ATE1: variants seen among roughly 807,000 people sequenced by gnomAD.
ATE1 encodes arginyltransferase 1, also known as arginyl-tRNA--protein transferase 1.
Under a neutral mutation model 70.5 loss-of-function variants are expected in ATE1, and 36 were observed. The ratio of observed to expected loss-of-function variants is 0.51; its 90% CI spans 0.39 to 0.67. ATE1 has a LOEUF of 0.67. ATE1 is among the 30% of genes least tolerant of loss of function. ATE1 has a pLI of 0.00. For missense variants in ATE1, 593 were observed against 629.5 expected (o/e 0.94, Z 0.62); for synonymous variants, 232 against 219.3 (o/e 1.06, Z -0.51).
chr10:121,833,734 A>G (rs919901957), intron 10 of ATE1, among the ~76,000 whole-genome samples: 26 of 152,308 alleles, frequency 1.7e-4, no homozygotes, highest in African/African-American at 6.0e-4. Context: ...GTTCTAGGCC[A>G]CAGATGACAG....
intron 8 of ATE1, among the ~76,000 whole-genome samples, chr10:121,843,727 C>CA (rs555110989): frequency 1.4e-3 from 187 of 138,230 alleles, no homozygotes; most frequent in South Asian, 9.2e-3. Flanking sequence ...TATCCATACG[C>CA]AAAAAAAAAA....
chr10:121,909,354 CAAAT>C (rs1275362027), intron 5 of ATE1, among the ~76,000 whole-genome samples: 1 of 152,148 alleles, frequency 6.6e-6, no homozygotes, highest in Non-Finnish European at 1.5e-5. Context: ...CTAACACAAA[CAAAT>C]GTTTAAAAAT....
intron 11 of ATE1, among the ~76,000 whole-genome samples, chr10:121,769,807 G>A (rs754950990): frequency 3.3e-5 from 5 of 152,180 alleles, no homozygotes; most frequent in Non-Finnish European, 5.9e-5. Context: ...TAAGACTATC[G>A]TGAGGTATCA....
At chr10:121,834,833 A>C (rs192588415) in intron 10 of ATE1, among the ~76,000 whole-genome samples, 4 of 152,312 alleles carry the variant, frequency 2.6e-5, no homozygotes, top group Admixed American at 6.5e-5. Context: ...ATCACAGATG[A>C]GACATAAAAG....
intron 11 of ATE1, among the ~76,000 whole-genome samples, chr10:121,778,795 G>T (rs2135938674): frequency 6.6e-6 from 1 of 152,014 alleles, no homozygotes; most frequent in South Asian, 2.1e-4. Context: ...TAGAGACGGG[G>T]TTTCATCACG....
At chr10:121,825,721 T>C (rs538491433) in intron 10 of ATE1, among the ~76,000 whole-genome samples, 3 of 152,190 alleles carry the variant, frequency 2.0e-5, no homozygotes, top group Non-Finnish European at 4.4e-5. Flanking sequence ...GGAACACTTG[T>C]GCATTGCTGG....
At chr10:121,832,816 G>T (rs956346651) in intron 10 of ATE1, among the ~76,000 whole-genome samples, 1 of 152,156 alleles carries the variant, frequency 6.6e-6, no homozygotes, top group Admixed American at 6.5e-5. Flanking sequence ...CCGCAATTCT[G>T]GGAACTTTCA....
intron 8 of ATE1, among the ~76,000 whole-genome samples, chr10:121,859,168 T>C (rs1419723818): frequency 3.3e-5 from 5 of 152,196 alleles, no homozygotes; most frequent in African/African-American, 1.2e-4. Context: ...ACTTTCTCAG[T>C]CTGTTATAAT....
chr10:121,899,014 T>C (rs1365577628), intron 7 of ATE1: 4 of 1,596,402 alleles, frequency 2.5e-6, no homozygotes, highest in African/African-American at 1.3e-5. Flanking sequence ...GAAACATCTC[T>C]GATGATATGC....
intron 2 of ATE1, among the ~76,000 whole-genome samples, chr10:121,923,937 T>C (rs1170183581): frequency 1.3e-5 from 2 of 152,256 alleles, no homozygotes; most frequent in African/African-American, 4.8e-5. Context: ...ATTGATAGGA[T>C]AAATGTCATA....
intron 8 of ATE1, among the ~76,000 whole-genome samples, chr10:121,842,485 A>C (rs1225993509): frequency 6.6e-6 from 1 of 152,104 alleles, no homozygotes; most frequent in Non-Finnish European, 1.5e-5. Flanking sequence ...AAAAAATGAG[A>C]ACAGGTTGAA....
At chr10:121,791,096 A>ATTTTTTTTT in intron 10 of ATE1, among the ~76,000 whole-genome samples, 1 of 94,424 alleles carries the variant, frequency 1.1e-5, no homozygotes, top group Non-Finnish European at 2.0e-5. Flanking sequence ...GTGTATATAT[A>ATTTTTTTTT]TTTTTTTTTT....
chr10:121,780,468 T>C (rs976308435), intron 11 of ATE1, among the ~76,000 whole-genome samples: 4 of 152,244 alleles, frequency 2.6e-5, no homozygotes, highest in African/African-American at 2.4e-5. Flanking sequence ...CTCAGATTAC[T>C]GCATGCAAAC....
chr10:121,856,626 A>G (rs779864714), intron 8 of ATE1, among the ~76,000 whole-genome samples: 4 of 152,370 alleles, frequency 2.6e-5, no homozygotes, highest in South Asian at 2.1e-4. Context: ...GGCAAATCAC[A>G]TAACTGTTTT....
rs115972044 is a variant in ATE1, at chr10:121,858,320, C to T, written c.975+11686G>A. On this transcript the variant is annotated intron_variant, in intron 8 of 11. Coordinates refer to ENST00000224652, the MANE Select transcript of ATE1 (RefSeq NM_001001976.3). ...ATGCACAAGAGCTCCAATTTCTCTA[C>T]AACCATGCCAACAGTTACCGTTTTC... Among the ~76,000 whole-genome samples the T allele has an allele frequency of 7.4e-3, 1,126 of 152,206 alleles. 21 individuals carry two copies. Among genetic ancestry groups the T allele is most frequent in the African/African-American group, 0.026 (1,079 of 41,522 alleles).
intron 7 of ATE1, among the ~76,000 whole-genome samples, chr10:121,887,261 ACT>A (rs1165576882): frequency 6.6e-6 from 1 of 152,136 alleles, no homozygotes; most frequent in African/African-American, 2.4e-5. Flanking sequence ...GTCAGAATGG[ACT>A]CATCACGACC....
intron 7 of ATE1, among the ~76,000 whole-genome samples, chr10:121,886,521 C>T (rs1257398503): frequency 6.6e-6 from 1 of 152,170 alleles, no homozygotes; most frequent in Non-Finnish European, 1.5e-5. Flanking sequence ...GAGTGTCCAA[C>T]CTGCGCCCTA....
chr10:121,841,083 G>T lies in ATE1; in HGVS notation c.1156C>A (p.Arg386=). The change falls in exon 9 of 12, where the codon CGA becomes AGA. Residue 386 remains arginine (R), a splice_region_variant and synonymous_variant. Transcript: ENST00000224652. ...FLSLGVYSAL[R]EIAFTRQLHE... ...AATAACGGCAAAAAGCAATCTTACC[G>T]TAGTGCAGAGTAGACGCCCAAAGAC... 10 of 1,535,982 alleles carry T rather than the reference G, an allele frequency of 6.5e-6. No homozygotes were observed. The highest frequency in any genetic ancestry group is 8.8e-6 in the Non-Finnish European group (10 of 1,133,978).
At chr10:121,873,031 T>C (rs568484900) in intron 7 of ATE1, among the ~76,000 whole-genome samples, 30 of 152,184 alleles carry the variant, frequency 2.0e-4, no homozygotes, top group Non-Finnish European at 3.5e-4. Context: ...AACATAGCCA[T>C]ATTCTTTATC....
Sources: gnomAD v4.1 joint callset for allele counts (sites outside exome capture counted in the v4.1 genomes callset) on GRCh38, gnomAD v4.1.1 for gene constraint, MANE v1.5 for transcripts, NCBI Gene and HGNC (gene_info 2026-07-23, HGNC 2026-07-21) for gene names.